The following DLG1 variants were observed in gnomAD, a reference collection of about 807,000 sequenced individuals.
DLG1 encodes disks large homolog 1.
A neutral mutation model predicts 123.4 loss-of-function variants in DLG1; 42 were observed. The observed-to-expected ratio is 0.34, with a 90% CI of 0.27 to 0.44. DLG1 has a LOEUF of 0.44. Among genes scored for constraint, DLG1 ranks in the 20% least tolerant of loss-of-function variants. DLG1 has a pLI of 1.00. For missense variants in DLG1, 942 were observed against 1,082.6 expected (o/e 0.87, Z 1.82); for synonymous variants, 317 against 356.2 (o/e 0.89, Z 1.24).
intron 12 of DLG1, among the ~76,000 whole-genome samples, chr3:197,118,877 G>A (rs911298031): frequency 2.6e-5 from 4 of 152,084 alleles, no homozygotes; most frequent in Admixed American, 6.5e-5. Flanking sequence ...AGGGGATCAC[G>A]CCTGTAATCT....
At chr3:197,098,716 G>A (rs996591384) in intron 14 of DLG1, among the ~76,000 whole-genome samples, 8 of 152,116 alleles carry the variant, frequency 5.3e-5, no homozygotes, top group South Asian at 2.1e-4. Context: ...TATGTTAGTA[G>A]AGACAGAGTT....
chr3:197,078,986 C>T (rs924974410), intron 17 of DLG1, among the ~76,000 whole-genome samples: 4 of 152,144 alleles, frequency 2.6e-5, no homozygotes, highest in Admixed American at 6.5e-5. Context: ...GAGAGAAATG[C>T]TTGTTAGTTA....
At chr3:197,058,286 T>C (rs1733278526) in intron 23 of DLG1, among the ~76,000 whole-genome samples, 1 of 152,220 alleles carries the variant, frequency 6.6e-6, no homozygotes, top group Admixed American at 6.5e-5. Flanking sequence ...CGCCTTCTTT[T>C]TCAGTTTCTC....
chr3:197,068,947 G>A (rs1159213404), intron 19 of DLG1, among the ~76,000 whole-genome samples: 4 of 151,954 alleles, frequency 2.6e-5, no homozygotes, highest in African/African-American at 9.7e-5. Flanking sequence ...CATTTAACTA[G>A]ATATTTACTT....
intron 23 of DLG1, among the ~76,000 whole-genome samples, chr3:197,057,446 G>A (rs1478887226): frequency 1.3e-5 from 2 of 152,144 alleles, no homozygotes; most frequent in African/African-American, 4.8e-5. Flanking sequence ...ACAGGTAAGC[G>A]TTTCTGTGGA....
chr3:197,090,843 G>C, intron 15 of DLG1, 69 bp downstream of exon 15: 1 of 973,218 alleles, frequency 1.0e-6, no homozygotes, highest in Non-Finnish European at 1.6e-6. Context: ...AAGTTATAGT[G>C]AAAAATACAA....
chr3:197,142,472 C>G (rs1356960886), intron 7 of DLG1, among the ~76,000 whole-genome samples: 1 of 152,096 alleles, frequency 6.6e-6, no homozygotes, highest in Non-Finnish European at 1.5e-5. Flanking sequence ...TAAATGGAAA[C>G]TCTTGGGACT....
Position 197,080,140 on chromosome 3 carries a change from G to A in DLG1, c.1905+911C>T, listed in dbSNP as rs1186094370. Among the ~76,000 whole-genome samples, 5 of 151,598 alleles carry A rather than the reference G, an allele frequency of 3.3e-5. No individual in the cohort carries two copies. The East Asian group carries it at 9.7e-4, about 29-fold the overall frequency. On this transcript the variant is annotated intron_variant, in intron 17 of 24. Transcript: ENST00000667157. ...ATTAAGAATTACATCCACCAATACG[G>A]GATGAAGCCTGTACCATCTTTCTCA...
chr3:197,113,234 T>C (rs1444546817), intron 13 of DLG1, among the ~76,000 whole-genome samples: 4 of 152,198 alleles, frequency 2.6e-5, no homozygotes, highest in African/African-American at 4.8e-5. Flanking sequence ...TTCTTGTATG[T>C]TTTCTTTTAG....
At chr3:197,219,255 G>C (rs1404719850) in intron 4 of DLG1, among the ~76,000 whole-genome samples, 5 of 152,114 alleles carry the variant, frequency 3.3e-5, no homozygotes, top group African/African-American at 1.2e-4. Flanking sequence ...TAGCAAATAG[G>C]CATAGGGTGG....
intron 3 of DLG1, among the ~76,000 whole-genome samples, chr3:197,291,457 ACT>A (rs924180375): frequency 1.3e-5 from 2 of 152,274 alleles, no homozygotes; most frequent in African/African-American, 2.4e-5. Flanking sequence ...ATTACTAAAC[ACT>A]GTTTTCAAAA....
At chr3:197,191,063 T>C (rs1269063117) in intron 5 of DLG1, among the ~76,000 whole-genome samples, 3 of 152,122 alleles carry the variant, frequency 2.0e-5, no homozygotes, top group Non-Finnish European at 4.4e-5. Flanking sequence ...ATATTAATCT[T>C]TGATTTACAC....
At chr3:197,272,725 A>G (rs1425408247) in intron 4 of DLG1, among the ~76,000 whole-genome samples, 1 of 151,952 alleles carries the variant, frequency 6.6e-6, no homozygotes, top group African/African-American at 2.4e-5. Flanking sequence ...AAGAAAAAAG[A>G]AGCACACAAG....
chr3:197,125,198 G>A (rs1356981870), intron 11 of DLG1, among the ~76,000 whole-genome samples: 1 of 152,182 alleles, frequency 6.6e-6, no homozygotes. Context: ...TAGATGGCAA[G>A]TGAAGGTTTG....
intron 14 of DLG1, among the ~76,000 whole-genome samples, chr3:197,103,289 T>TA (rs1764533773): frequency 6.6e-6 from 1 of 152,160 alleles, no homozygotes; most frequent in Admixed American, 6.5e-5. Flanking sequence ...TTGTTTTTCT[T>TA]ACTGCTTTTG....
At chr3:197,134,777 C>G (rs1784298999) in intron 10 of DLG1, among the ~76,000 whole-genome samples, 1 of 152,248 alleles carries the variant, frequency 6.6e-6, no homozygotes, top group African/African-American at 2.4e-5. Context: ...CACTGCAACT[C>G]TACCATTTTT....
chr3:197,148,129 T>C (rs1791880709), intron 6 of DLG1, among the ~76,000 whole-genome samples: 1 of 151,116 alleles, frequency 6.6e-6, no homozygotes, highest in Non-Finnish European at 1.5e-5. Flanking sequence ...CTGGGCATGA[T>C]GGCTCACCCC....
chr3:197,225,455 T>C (rs970196843), intron 4 of DLG1, among the ~76,000 whole-genome samples: 6 of 152,150 alleles, frequency 3.9e-5, no homozygotes, highest in African/African-American at 1.4e-4. Flanking sequence ...CACAATTTAG[T>C]ATCAAAATCA....
At chr3:197,278,930 T>C (rs1222518996) in intron 4 of DLG1, among the ~76,000 whole-genome samples, 1 of 152,232 alleles carries the variant, frequency 6.6e-6, no homozygotes, top group Non-Finnish European at 1.5e-5. Context: ...TGGAAAAGAT[T>C]ACTATATCCA....
Sources: allele counts gnomAD v4.1 joint callset (sites outside exome capture counted in the v4.1 genomes callset), GRCh38; gene constraint gnomAD v4.1.1; transcripts MANE v1.5; gene names NCBI Gene and HGNC (gene_info 2026-07-23, HGNC 2026-07-21).